Variants in FAT1 observed in about 807,000 individuals in gnomAD.
FAT1 encodes protocadherin Fat 1.
A neutral mutation model predicts 329.8 loss-of-function variants in FAT1; 171 were observed. The observed-to-expected ratio is 0.52, with a 90% CI of 0.46 to 0.59. The LOEUF is 0.59. FAT1 is among the 20% of genes least tolerant of loss of function. The pLI is 0.00. For synonymous variants in FAT1, 2,233 were observed against 2,228.6 expected, an observed-to-expected ratio of 1.00 and a Z score of -0.06; for missense variants, 5,672 against 5,774.4, an observed-to-expected ratio of 0.98 and a Z score of 0.57.
intron 7 of FAT1, among the ~76,000 whole-genome samples, chr4:186,630,717 C>G (rs888392999): frequency 6.6e-6 from 1 of 151,944 alleles, no homozygotes; most frequent in Non-Finnish European, 1.5e-5. Context: ...ATTATCACCA[C>G]CCCCACTTTG....
At chr4:186,630,790 G>T (rs1461775321) in intron 7 of FAT1, among the ~76,000 whole-genome samples, 1 of 152,172 alleles carries the variant, frequency 6.6e-6, no homozygotes, top group East Asian at 1.9e-4. Flanking sequence ...AGTACAAGAG[G>T]TGGAGCCGGG....
chr4:186,611,703 C>G lies in FAT1; in HGVS notation c.9536G>C (p.Gly3179Ala), dbSNP rs1232866727. 1.9e-6 allele frequency: 3 copies of G among 1,599,592 alleles called. No homozygotes were observed. Among genetic ancestry groups the G allele is most frequent in the South Asian group, 2.3e-5 (2 of 88,726 alleles). The part of the protein sequence containing the change: ...DGQFSINELS[G>A]IIQLEKPLDR... ...CAAAGGTTTTTCTAACTGAATAATT[C>G]CAGATAATTCGTTAATGGAGAACTG... Residue 3179 changes from glycine (G) to alanine (A), a missense_variant, in exon 14 of 27, where the codon GGA becomes GCA. Gly to Ala is a moderately conservative substitution (Grantham distance 60). This residue lies in a region of FAT1 where 1,706 missense variants were observed against 1,859.1 expected (regional missense o/e 0.92). Coordinates refer to ENST00000441802, the MANE Select transcript of FAT1 (RefSeq NM_005245.4).
At chr4:186,610,563 A>G (rs1257861311) in intron 14 of FAT1, among the ~76,000 whole-genome samples, 1 of 146,900 alleles carries the variant, frequency 6.8e-6, no homozygotes, top group East Asian at 1.9e-4. Flanking sequence ...AAAGAGCCCT[A>G]AAAATAATTT....
intron 20 of FAT1, 55 bp downstream of exon 20, chr4:186,602,848 A>T (rs1579300111): frequency 1.9e-6 from 3 of 1,557,510 alleles, no homozygotes; most frequent in Non-Finnish European, 2.6e-6. Flanking sequence ...AAATGGTAAG[A>T]AACAATGAAA....
chr4:186,685,539 G>C (rs960053835), intron 2 of FAT1, among the ~76,000 whole-genome samples: 3 of 152,198 alleles, frequency 2.0e-5, no homozygotes, highest in African/African-American at 4.8e-5. Flanking sequence ...TACGCAGTCA[G>C]TATTTTTTGA....
At position 186,600,149 on chromosome 4, in the gene FAT1, A is replaced by C; in HGVS notation, c.11852T>G (p.Phe3951Cys). The C allele has an allele frequency of 3.1e-6, 5 of 1,614,036 alleles. No homozygotes were observed. The highest frequency in any genetic ancestry group is 4.2e-6 in the Non-Finnish European group (5 of 1,179,896). Residue 3951 changes from phenylalanine to cysteine, a missense_variant, in exon 22 of 27, where the codon TTT becomes TGT. Coordinates refer to ENST00000441802, the MANE Select transcript of FAT1 (RefSeq NM_005245.4). Reference sequence around the variant, plus strand: ...CTGCTGACGGATGTGGCCACCAAAAAACACATAGTTATCCAGGTTCAGGGT... The same window carrying C: ...CTGCTGACGGATGTGGCCACCAAAACACACATAGTTATCCAGGTTCAGGGT... ...LKTLNLDNYVFFGGHIRQQGT... is the reference protein window; with the variant it reads ...LKTLNLDNYVCFGGHIRQQGT...
At chr4:186,601,194 T>G in intron 21 of FAT1, 75 bp downstream of exon 21, 2 of 1,331,594 alleles carry the variant, frequency 1.5e-6, no homozygotes, top group Non-Finnish European at 2.1e-6. Context: ...CTGTGCAAAT[T>G]AACAATCTGA....
chr4:186,681,914 T>G (rs1743225455), intron 2 of FAT1, among the ~76,000 whole-genome samples: 1 of 152,214 alleles, frequency 6.6e-6, no homozygotes, highest in Admixed American at 6.5e-5. Context: ...TCCCCACTTA[T>G]TTTCGTTACA....
rs1205852161 is a variant in FAT1, at chr4:186,619,212, C to T, written c.7374G>A (p.Lys2458=). The part of the protein sequence containing the change: ...TLSNLHRHAL[K]PFYSLNLSVS... ...CTGACAGGTTAAGACTGTAAAATGG[C>T]TTCAGGGCGTGCCGGTGCAGGTTTG... Residue 2458 remains lysine, a synonymous_variant, in exon 10 of 27, where the codon AAG becomes AAA. Coordinates refer to ENST00000441802, the MANE Select transcript of FAT1 (RefSeq NM_005245.4). The T allele has an allele frequency of 1.9e-6, 3 of 1,613,998 alleles. No homozygotes were observed. The highest frequency in any genetic ancestry group is 1.1e-5 in the South Asian group (1 of 91,086).
At chr4:186,636,353 G>T in intron 5 of FAT1, 118 bp from the exon 6 acceptor site, 1 of 943,106 alleles carries the variant, frequency 1.1e-6, no homozygotes, top group Non-Finnish European at 1.6e-6. Context: ...TTTCACATTT[G>T]TATTCTGTGT....
chr4:186,709,620 C>T lies in FAT1; in HGVS notation c.208G>A (p.Val70Ile), dbSNP rs776990386. The T allele has an allele frequency of 3.7e-6, 6 of 1,613,998 alleles. No individual in the cohort carries two copies. The highest frequency in any genetic ancestry group is 5.1e-6 in the Non-Finnish European group (6 of 1,179,892). ...GVYITHPAWE[V>I]RYKIVSGDSE... ...TCTCCGGAAACAATTTTGTACCTTA[C>T]TTCCCACGCTGGATGTGTAATGTAA... Residue 70 changes from valine to isoleucine, a missense_variant, in exon 2 of 27, where the codon GTA becomes ATA. Val to Ile is a conservative substitution (Grantham distance 29, BLOSUM62 3). Around this residue, in one of 2 missense-constraint regions of FAT1, gnomAD observed 3,966 missense variants for 3,915.2 expected, o/e 1.01. Coordinates refer to ENST00000441802, the MANE Select transcript of FAT1 (RefSeq NM_005245.4).
intron 1 of FAT1, among the ~76,000 whole-genome samples, chr4:186,714,651 G>A (rs1745123587): frequency 6.6e-6 from 1 of 152,192 alleles, no homozygotes; most frequent in Non-Finnish European, 1.5e-5. Flanking sequence ...GGGAGGCCCT[G>A]ACAGGGGAGA....
At chr4:186,680,637 A>G (rs1337625034) in intron 2 of FAT1, among the ~76,000 whole-genome samples, 1 of 152,204 alleles carries the variant, frequency 6.6e-6, no homozygotes, top group Non-Finnish European at 1.5e-5. Context: ...AAATAATCAA[A>G]CCAACGAATC....
rs372303079 is a variant in FAT1 at position 186,644,450 on chromosome 4, T to C, written c.3581-4667A>G. ...TTCCTTGGTCCAGAAAAACACTGCA[T>C]TCTATATAATAAAACTATGATAAAT... On this transcript the variant is annotated intron_variant, in intron 3 of 26. Transcript: ENST00000441802. 1.1e-4 allele frequency among the ~76,000 whole-genome samples: 16 copies of C among 152,320 alleles called. No individual in the cohort carries two copies. In the East Asian group the frequency reaches 3.1e-3, roughly 29 times the overall value.
chr4:186,630,369 T>G (rs894923933), intron 7 of FAT1, among the ~76,000 whole-genome samples: 1 of 152,098 alleles, frequency 6.6e-6, no homozygotes, highest in African/African-American at 2.4e-5. Context: ...ATCCTGCCTT[T>G]CAGAGGCTGG....
chr4:186,710,223 T>C (rs747487147), intron 1 of FAT1, among the ~76,000 whole-genome samples: 1 of 152,172 alleles, frequency 6.6e-6, no homozygotes, highest in Non-Finnish European at 1.5e-5. Context: ...ATTGTTTACA[T>C]TTACTTACAT....
rs776715406 is a variant in FAT1, at chr4:186,603,994, A to G, written c.10549-17T>C. 8.2e-6 allele frequency: 13 copies of G among 1,584,490 alleles called. No individual in the cohort carries two copies. Among genetic ancestry groups the G allele is most frequent in the Admixed American group, 1.7e-5 (1 of 59,062 alleles). ...ATCTGCCACCTACAAGAAAAGAAAA[A>G]TAAAATCACCTTTGTCTATGGCACT... On this transcript the variant is annotated splice_polypyrimidine_tract_variant and intron_variant, in intron 18 of 26. Coordinates refer to ENST00000441802, the MANE Select transcript of FAT1 (RefSeq NM_005245.4).
intron 1 of FAT1, 48 bp from the exon 2 acceptor site, chr4:186,709,893 C>A (rs1012063074): frequency 1.4e-6 from 2 of 1,472,520 alleles, no homozygotes; most frequent in South Asian, 2.6e-5. Context: ...ATAAAACAAG[C>A]AAAAGTGTGT....
chr4:186,620,878 G>C lies in FAT1; in HGVS notation c.5708C>G (p.Ala1903Gly), dbSNP rs2126520073. The C allele has an allele frequency of 6.2e-7, 1 of 1,614,016 alleles. No homozygotes were observed. Among genetic ancestry groups the C allele is most frequent in the Non-Finnish European group, 8.5e-7 (1 of 1,179,890 alleles). ...YKGVKVITVNATDADSSAFSQ... is the reference protein window; with the variant it reads ...YKGVKVITVNGTDADSSAFSQ... ...GAATGCACTTGAATCAGCATCTGTA[G>C]CATTTACTGTGATGACTTTTACTCC... The change falls in exon 10 of 27, where the codon GCT becomes GGT. Residue 1903 changes from alanine (A) to glycine (G), a missense_variant. Physicochemically the swap from Ala to Gly is moderately conservative, Grantham distance 60. This residue lies in a region of FAT1 where 3,966 missense variants were observed against 3,915.2 expected (regional missense o/e 1.01). Coordinates refer to ENST00000441802, the MANE Select transcript of FAT1 (RefSeq NM_005245.4).
Sources: allele counts gnomAD v4.1 joint callset (sites outside exome capture counted in the v4.1 genomes callset), GRCh38; gene constraint gnomAD v4.1.1; regional missense constraint gnomAD v4.1.1; transcripts MANE v1.5; gene names NCBI Gene and HGNC (gene_info 2026-07-23, HGNC 2026-07-21).